ARB2A: variants seen among roughly 807,000 people sequenced by gnomAD.
ARB2A encodes the protein ARB2 cotranscriptional regulator A, also known as cotranscriptional regulator ARB2A.
At chr5:93,811,024 A>T in the ARB2A span, among the ~76,000 whole-genome samples, 9 of 152,266 alleles carry the variant, frequency 5.9e-5, no homozygotes, top group Middle Eastern at 3.4e-3. Context: ...AACGCCTGGT[A>T]CTTGGTAGGT....
the ARB2A span, among the ~76,000 whole-genome samples, chr5:93,860,012 A>G: frequency 6.6e-6 from 1 of 152,204 alleles, no homozygotes; most frequent in Non-Finnish European, 1.5e-5. Context: ...AGAATCTTAT[A>G]GGCCAGGCGC....
At chr5:93,691,832 C>A in the ARB2A span, among the ~76,000 whole-genome samples, 3 of 152,156 alleles carry the variant, frequency 2.0e-5, no homozygotes, top group African/African-American at 4.8e-5. Context: ...AATCTCTCTG[C>A]AGAACCCTAC....
the ARB2A span, among the ~76,000 whole-genome samples, chr5:93,723,773 G>A: frequency 2.0e-5 from 3 of 151,994 alleles, no homozygotes; most frequent in South Asian, 4.1e-4. Context: ...TTTCTATCAC[G>A]ACCTTTTAGA....
chr5:93,907,325 T>A, the ARB2A span, among the ~76,000 whole-genome samples: 1 of 151,498 alleles, frequency 6.6e-6, no homozygotes, highest in Non-Finnish European at 1.5e-5. Flanking sequence ...CTGCACACTT[T>A]TAAAAAAGCC....
At chr5:94,066,137 C>G in the ARB2A span, among the ~76,000 whole-genome samples, 1 of 151,922 alleles carries the variant, frequency 6.6e-6, no homozygotes, top group Non-Finnish European at 1.5e-5. Context: ...TAAAGACTGC[C>G]TTGAAGCAAA....
At chr5:93,985,744 G>C in the ARB2A span, among the ~76,000 whole-genome samples, 1 of 152,204 alleles carries the variant, frequency 6.6e-6, no homozygotes, top group African/African-American at 2.4e-5. Flanking sequence ...GCCCAGGCTG[G>C]AGTGCAGTGG....
At chr5:93,932,333 A>T in the ARB2A span, among the ~76,000 whole-genome samples, 1 of 152,218 alleles carries the variant, frequency 6.6e-6, no homozygotes, top group Non-Finnish European at 1.5e-5. Context: ...ACTAAAACAG[A>T]TATCTTGTTA....
the ARB2A span, among the ~76,000 whole-genome samples, chr5:93,659,174 T>C: frequency 6.6e-6 from 1 of 152,008 alleles, no homozygotes; most frequent in Non-Finnish European, 1.5e-5. Flanking sequence ...TTTAGCTCCA[T>C]GACAGAAACA....
chr5:93,959,688 A>C, the ARB2A span, among the ~76,000 whole-genome samples: 3 of 152,192 alleles, frequency 2.0e-5, no homozygotes, highest in African/African-American at 7.2e-5. Flanking sequence ...CACATTATGT[A>C]CTCCAATGAA....
chr5:93,838,973 T>G, the ARB2A span, among the ~76,000 whole-genome samples: 1 of 152,280 alleles, frequency 6.6e-6, no homozygotes, highest in East Asian at 1.9e-4. Flanking sequence ...TATAGAATCA[T>G]GTCATCTGCA....
the ARB2A span, among the ~76,000 whole-genome samples, chr5:94,060,463 T>C: frequency 6.6e-6 from 1 of 152,162 alleles, no homozygotes; most frequent in Non-Finnish European, 1.5e-5. Context: ...AAACTCATCC[T>C]ATATAAAATA....
chr5:93,864,626 T>G, the ARB2A span, among the ~76,000 whole-genome samples: 176 of 152,258 alleles, frequency 1.2e-3, no homozygotes, highest in African/African-American at 4.0e-3. Flanking sequence ...GCACAAAAAT[T>G]GAGGTTCTCA....
At chr5:93,901,714 A>G in the ARB2A span, among the ~76,000 whole-genome samples, 1 of 152,096 alleles carries the variant, frequency 6.6e-6, no homozygotes, top group African/African-American at 2.4e-5. Context: ...CAGTCACTGG[A>G]CTGGTAGTTG....
chr5:94,050,694 T>A, the ARB2A span: 1 of 1,461,996 alleles, frequency 6.8e-7, no homozygotes, highest in Non-Finnish European at 9.3e-7. Flanking sequence ...TATTTAAAAT[T>A]GGGAAAAACA....
At chr5:93,975,325 A>G in the ARB2A span, among the ~76,000 whole-genome samples, 24 of 151,242 alleles carry the variant, frequency 1.6e-4, no homozygotes, top group South Asian at 4.8e-3. Context: ...TCAAAAAAAA[A>G]AAAAAAAAAA....
chr5:93,920,195 C>T, the ARB2A span, among the ~76,000 whole-genome samples: 4 of 152,030 alleles, frequency 2.6e-5, no homozygotes, highest in Admixed American at 6.6e-5. Flanking sequence ...ACATTGTTTG[C>T]GTAGTTAGAG....
chr5:93,661,205 G>A, the ARB2A span, among the ~76,000 whole-genome samples: 7 of 152,228 alleles, frequency 4.6e-5, no homozygotes, highest in East Asian at 3.9e-4. Context: ...CTTTATGCTC[G>A]TAGAAATACA....
chr5:93,979,161 C>A, the ARB2A span, among the ~76,000 whole-genome samples: 1 of 152,094 alleles, frequency 6.6e-6, no homozygotes, highest in Non-Finnish European at 1.5e-5. Flanking sequence ...GAAATAAAAA[C>A]TTACAGCTTT....
At chr5:93,705,028 T>C in the ARB2A span, among the ~76,000 whole-genome samples, 188 of 152,248 alleles carry the variant, frequency 1.2e-3, no homozygotes, top group Non-Finnish European at 1.9e-3. Flanking sequence ...TGTAGGTACA[T>C]AGTATAAAGA....
Sources: allele counts gnomAD v4.1 joint callset (sites outside exome capture counted in the v4.1 genomes callset), GRCh38; gene constraint gnomAD v4.1.1; transcripts MANE v1.5; gene names NCBI Gene and HGNC (gene_info 2026-07-23, HGNC 2026-07-21).